Variants in FAT4 observed in about 807,000 individuals in gnomAD.
FAT4 encodes the protein FAT atypical cadherin 4, also known as protocadherin Fat 4.
Under a neutral mutation model 303.9 loss-of-function variants are expected in FAT4, and 84 were observed. That is an observed-to-expected ratio of 0.28 (90% CI 0.23 to 0.33). FAT4 has a LOEUF of 0.33. Ranked by LOEUF, FAT4 falls within the 10% of genes least tolerant of loss-of-function variation. FAT4 has a pLI of 1.00. For missense variants in FAT4, 6,005 were observed against 6,146.8 expected (o/e 0.98, Z 0.77); for synonymous variants, 2,307 against 2,298.8 (o/e 1.00, Z -0.10).
At chr4:125,403,848 G>A (rs1175463355) in intron 3 of FAT4, among the ~76,000 whole-genome samples, 1 of 152,084 alleles carries the variant, frequency 6.6e-6, no homozygotes, top group Non-Finnish European at 1.5e-5. Flanking sequence ...ATATGGAAAT[G>A]TTGAGCAAAT....
intron 7 of FAT4, among the ~76,000 whole-genome samples, chr4:125,425,812 TTCTG>T (rs1725067982): frequency 6.6e-6 from 1 of 152,104 alleles, no homozygotes; most frequent in African/African-American, 2.4e-5. Context: ...GATATAGAGA[TTCTG>T]TCTCTAGATT....
intron 2 of FAT4, among the ~76,000 whole-genome samples, chr4:125,372,363 CAAA>C (rs200201646): frequency 3.5e-5 from 3 of 86,276 alleles, no homozygotes; most frequent in Admixed American, 1.2e-4. Context: ...GACCCTGTTT[CAAA>C]AAAAAAAAAA....
At chr4:125,342,540 T>C (rs1056294179) in intron 2 of FAT4, among the ~76,000 whole-genome samples, 1 of 152,024 alleles carries the variant, frequency 6.6e-6, no homozygotes, top group Non-Finnish European at 1.5e-5. Flanking sequence ...TTTATTAGTA[T>C]ATGGCAAACT....
chr4:125,419,422 A>C (rs989971980), intron 7 of FAT4, among the ~76,000 whole-genome samples: 9 of 152,112 alleles, frequency 5.9e-5, no homozygotes, highest in Non-Finnish European at 1.0e-4. Flanking sequence ...AAGTGTCCTG[A>C]ATTTATCCAC....
At position 125,378,747 on chromosome 4, in the gene FAT4, AT is replaced by A. The variant is rs551053753; in HGVS notation, c.5176-20035del. 5.9e-4 allele frequency among the ~76,000 whole-genome samples: 90 copies of A among 152,320 alleles called. 1 individual carries two copies. The highest frequency in any genetic ancestry group is 2.1e-3 in the African/African-American group (89 of 41,586). Reference sequence around the variant, plus strand: ...AATATGGTCTAATAAACTAAGATGAATTCCATACTCAATATTTGTCTTTGTA... The same window carrying A: ...AATATGGTCTAATAAACTAAGATGAATCCATACTCAATATTTGTCTTTGTA... On this transcript the variant is annotated intron_variant, in intron 2 of 17. Coordinates refer to ENST00000394329, the MANE Select transcript of FAT4 (RefSeq NM_001291303.3).
At chr4:125,348,209 G>A (rs1170145196) in intron 2 of FAT4, among the ~76,000 whole-genome samples, 2 of 151,792 alleles carry the variant, frequency 1.3e-5, no homozygotes, top group African/African-American at 4.8e-5. Flanking sequence ...ACCTAACATT[G>A]TAGTTTCTAT....
At chr4:125,388,096 T>C (rs746505847) in intron 2 of FAT4, among the ~76,000 whole-genome samples, 1 of 152,210 alleles carries the variant, frequency 6.6e-6, no homozygotes, top group Admixed American at 6.6e-5. Context: ...AGCAGAAACA[T>C]ACTGTTCTAG....
rs777877917 is a variant in FAT4 at position 125,468,592 on chromosome 4, A to C, written c.11986A>C (p.Asn3996His). ...CATGGAATTTCCAAGCTTGGACCCC[A>C]ATAACAACTATATTTATGTCAAATT... ...SYMEFPSLDP[N>H]NNYIYVKFAT... The change falls in exon 12 of 18, where the codon AAT (asparagine) becomes CAT (histidine). Residue 3996 changes from asparagine to histidine, a missense_variant. Asn to His is a moderately conservative substitution (Grantham distance 68). Transcript: ENST00000394329. 1 of 1,614,120 alleles carries C rather than the reference A, an allele frequency of 6.2e-7. No individual in the cohort carries two copies. Among genetic ancestry groups the C allele is most frequent in the Non-Finnish European group, 8.5e-7 (1 of 1,179,984 alleles).
chr4:125,458,807 T>C (rs1275367462), intron 10 of FAT4, among the ~76,000 whole-genome samples: 2 of 151,968 alleles, frequency 1.3e-5, no homozygotes, highest in Admixed American at 1.3e-4. Flanking sequence ...GTTGCTTTTG[T>C]TACTGGCAGC....
At chr4:125,470,869 C>G (rs191891515) in intron 12 of FAT4, among the ~76,000 whole-genome samples, 12 of 152,194 alleles carry the variant, frequency 7.9e-5, no homozygotes, top group Non-Finnish European at 1.8e-4. Context: ...ATTTACAGCT[C>G]GGCTAACTAT....
chr4:125,445,240 T>C (rs1171059213), intron 8 of FAT4, among the ~76,000 whole-genome samples: 1 of 152,142 alleles, frequency 6.6e-6, no homozygotes, highest in African/African-American at 2.4e-5. Flanking sequence ...TCCTCAACAG[T>C]TGATTATTTC....
At position 125,452,686 on chromosome 4, in the gene FAT4, T is replaced by A; in HGVS notation, c.11676T>A (p.Asp3892Glu). ...GAGGATTTTCATGCAGCTGCCCAGA[T>A]GGCTTCACTGGTAGGGCGTGTGAGA... is the stretch of plus-strand genomic sequence containing the variant. ...LVGGFSCSCP[D>E]GFTGRACERD... The change falls in exon 10 of 18, where the codon GAT (aspartate) becomes GAA (glutamate). Residue 3892 changes from aspartate to glutamate, a missense_variant. Physicochemically the swap from Asp to Glu is conservative, Grantham distance 45. Transcript: ENST00000394329. 1 of 1,614,148 alleles carries A rather than the reference T, an allele frequency of 6.2e-7. No homozygotes were observed. The highest frequency in any genetic ancestry group is 8.5e-7 in the Non-Finnish European group (1 of 1,180,024).
At chr4:125,355,565 G>A (rs1171669043) in intron 2 of FAT4, among the ~76,000 whole-genome samples, 1 of 152,078 alleles carries the variant, frequency 6.6e-6, no homozygotes, top group East Asian at 1.9e-4. Context: ...TCTTATCTGT[G>A]AATGAGGAAA....
intron 2 of FAT4, among the ~76,000 whole-genome samples, chr4:125,385,864 C>T (rs1391517468): frequency 6.6e-6 from 1 of 152,082 alleles, no homozygotes; most frequent in Non-Finnish European, 1.5e-5. Flanking sequence ...TTGTCATACT[C>T]TTATTCCACT....
chr4:125,416,719 A>G lies in FAT4; in HGVS notation c.7018+97A>G. On this transcript the variant is annotated intron_variant, in intron 7 of 17. Coordinates refer to ENST00000394329, the MANE Select transcript of FAT4 (RefSeq NM_001291303.3). ...CCAGCACTTTGGGAGGCCAAGGTGG[A>G]TGGATTACTTGAGGTCGGGAGTTCA... The G allele has an allele frequency of 1.6e-6, 2 of 1,236,636 alleles. No individual in the cohort carries two copies. The highest frequency in any genetic ancestry group is 2.3e-6 in the Non-Finnish European group (2 of 877,820). 76.6% of individuals were successfully genotyped at this position (1,236,636 alleles called of 1,614,324 possible).
intron 8 of FAT4, among the ~76,000 whole-genome samples, chr4:125,440,873 T>G (rs902538163): frequency 5.3e-5 from 8 of 152,124 alleles, no homozygotes; most frequent in Non-Finnish European, 1.2e-4. Context: ...CTTGGTTTGT[T>G]TTTTACCACA....
intron 2 of FAT4, among the ~76,000 whole-genome samples, chr4:125,362,538 G>A (rs115264785): frequency 0.018 from 2,685 of 152,212 alleles, 81 homozygotes; most frequent in African/African-American, 0.062. Flanking sequence ...GAATTGGGTA[G>A]AGGAATTATT....
rs906213215 is a variant in FAT4 at position 125,492,438 on chromosome 4, A to G, written c.*670A>G. The G allele has an allele frequency of 1.3e-5, 2 of 152,412 alleles. No individual in the cohort carries two copies. Among genetic ancestry groups the G allele is most frequent in the South Asian group, 2.1e-4 (1 of 4,822 alleles). The allele number at this position is 152,412 out of a possible 1,614,324, so 9.4% of individuals were successfully genotyped here. On this transcript the variant is annotated 3_prime_UTR_variant, in exon 18 of 18. Coordinates refer to ENST00000394329, the MANE Select transcript of FAT4 (RefSeq NM_001291303.3). ...GTCTCCTGACTTTCATGAGGCTTCCATTAGGAACAGAATGATTGCATGTTG... is the reference window on the plus strand; with the variant it reads ...GTCTCCTGACTTTCATGAGGCTTCCGTTAGGAACAGAATGATTGCATGTTG...
rs1405829609 is a variant in FAT4, at chr4:125,315,544, G to T, written c.-446G>T. 6.6e-6 allele frequency among the ~76,000 whole-genome samples: 1 copy of T among 152,178 alleles called. No homozygotes were observed. The highest frequency in any genetic ancestry group is 2.1e-4 in the South Asian group (1 of 4,836). On this transcript the variant is annotated 5_prime_UTR_variant, in exon 1 of 18. Transcript: ENST00000394329. ...CGAGAAGAAAGGGGAAACTGCGTTCGATTTGGATGTACAAATAATGGGTCG... is the reference window on the plus strand; with the variant it reads ...CGAGAAGAAAGGGGAAACTGCGTTCTATTTGGATGTACAAATAATGGGTCG...
Sources: gnomAD v4.1 joint callset for allele counts (sites outside exome capture counted in the v4.1 genomes callset) on GRCh38, gnomAD v4.1.1 for gene constraint, MANE v1.5 for transcripts, NCBI Gene and HGNC (gene_info 2026-07-23, HGNC 2026-07-21) for gene names.